The following SLC16A7 variants were observed in gnomAD, a reference collection of about 807,000 sequenced individuals.
The protein encoded by SLC16A7 is solute carrier family 16 member 7.
In SLC16A7, 33 loss-of-function variants were observed where a neutral mutation model predicts 34.9. The ratio of observed to expected loss-of-function variants is 0.94; its 90% confidence interval spans 0.72 to 1.26. The LOEUF (loss-of-function observed/expected upper bound fraction) is 1.26. SLC16A7 is among the 50% of genes most tolerant of loss of function. The pLI is 0.00. For synonymous variants in SLC16A7, 201 were observed against 206.6 expected (o/e 0.97, Z 0.23); for missense variants, 573 against 578.1 (o/e 0.99, Z 0.09).
intron 1 of SLC16A7, among the ~76,000 whole-genome samples, chr12:59,635,375 C>T (rs1276522136): frequency 6.6e-6 from 1 of 152,012 alleles, no homozygotes; most frequent in East Asian, 1.9e-4. Context: ...GGAAATCTGG[C>T]TGAAACAAAT....
chr12:59,769,106 A>C (rs1565711688), intron 3 of SLC16A7: 1 of 152,144 alleles, frequency 6.6e-6, no homozygotes, highest in Admixed American at 6.6e-5. Flanking sequence ...CAGCAAAAAG[A>C]CTGAAAATCA....
chr12:59,769,054 T>G (rs887679419), intron 3 of SLC16A7: 1 of 152,098 alleles, frequency 6.6e-6, no homozygotes, highest in Non-Finnish European at 1.5e-5. Context: ...CTGCCAACCC[T>G]GATCAGTCAG....
intron 3 of SLC16A7, among the ~76,000 whole-genome samples, chr12:59,722,046 A>C (rs1483231806): frequency 1.3e-5 from 2 of 151,810 alleles, no homozygotes; most frequent in Admixed American, 6.6e-5. Context: ...GATGCCTCCT[A>C]AATTTATATC....
chr12:59,758,375 T>G (rs758834432), intron 3 of SLC16A7, among the ~76,000 whole-genome samples: 1 of 152,114 alleles, frequency 6.6e-6, no homozygotes, highest in Non-Finnish European at 1.5e-5. Flanking sequence ...TGCTACTTCC[T>G]CTACAAAGGA....
chr12:59,769,894 C>G (rs1022021165), intron 3 of SLC16A7, among the ~76,000 whole-genome samples: 2 of 151,638 alleles, frequency 1.3e-5, no homozygotes, highest in African/African-American at 4.8e-5. Context: ...AAATAGTGTC[C>G]CTAGTTTCAG....
In SLC16A7 at chr12:59,775,030, A is replaced by T; in HGVS notation, c.735A>T (p.Arg245Ser). Residue 245 changes from arginine (R) to serine (S), a missense_variant, in exon 5 of 6, where the codon AGA becomes AGT. Arg to Ser is a moderately radical substitution (Grantham distance 110). Coordinates refer to ENST00000547379, the MANE Select transcript of SLC16A7 (RefSeq NM_001270623.2). The stretch of plus-strand genomic sequence containing the variant: ...TAGATTTCTCCCTTTTTAAGCATAG[A>T]GGATTTCTGATATATCTGTCTGGAA... ...KYLDFSLFKH[R>S]GFLIYLSGNV... The T allele has an allele frequency of 6.2e-7, 1 of 1,614,044 alleles. No homozygotes were observed. Among genetic ancestry groups the T allele is most frequent in the Non-Finnish European group, 8.5e-7 (1 of 1,179,960 alleles).
chr12:59,703,925 G>T (rs1224866681), intron 2 of SLC16A7, among the ~76,000 whole-genome samples: 1 of 151,874 alleles, frequency 6.6e-6, no homozygotes, highest in Non-Finnish European at 1.5e-5. Context: ...GTGGGGGCTG[G>T]ATGCGGTGGC....
intron 1 of SLC16A7, among the ~76,000 whole-genome samples, chr12:59,637,055 A>G (rs1309094820): frequency 6.6e-6 from 1 of 152,102 alleles, no homozygotes; most frequent in East Asian, 1.9e-4. Context: ...AGAAACTGTC[A>G]CCATGTCACA....
chr12:59,767,842 G>T (rs1258939566), intron 3 of SLC16A7, among the ~76,000 whole-genome samples: 2 of 149,608 alleles, frequency 1.3e-5, no homozygotes, highest in Non-Finnish European at 2.9e-5. Context: ...CTATCGCAAG[G>T]ACAAAAAACC....
chr12:59,738,833 T>C (rs2706304), intron 3 of SLC16A7, among the ~76,000 whole-genome samples: 6,798 of 129,908 alleles, frequency 0.052, 485 homozygotes, highest in African/African-American at 0.17. Flanking sequence ...CTCAAAGATT[T>C]TTTTTTTTTT....
chr12:59,721,819 C>T (rs986712849), intron 3 of SLC16A7, among the ~76,000 whole-genome samples: 1 of 151,950 alleles, frequency 6.6e-6, no homozygotes, highest in African/African-American at 2.4e-5. Context: ...CCTCGGTCTT[C>T]CATACAACAC....
At chr12:59,735,917 A>G (rs1877536309) in intron 3 of SLC16A7, 8 of 1,242,898 alleles carry the variant, frequency 6.4e-6, no homozygotes, top group Non-Finnish European at 8.3e-6. Context: ...TAAATTCTCT[A>G]TGACTTTGAT....
chr12:59,635,881 C>G (rs1247010298), intron 1 of SLC16A7, among the ~76,000 whole-genome samples: 1 of 151,544 alleles, frequency 6.6e-6, no homozygotes, highest in Non-Finnish European at 1.5e-5. Context: ...TAATGACATG[C>G]TAGAAATCAG....
intron 2 of SLC16A7, among the ~76,000 whole-genome samples, chr12:59,683,326 G>A (rs1323446489): frequency 6.6e-6 from 1 of 152,184 alleles, no homozygotes; most frequent in Non-Finnish European, 1.5e-5. Context: ...CCCAATCTGA[G>A]AAGTACTGTT....
At chr12:59,614,824 T>TAAA (rs71448588) in intron 1 of SLC16A7, among the ~76,000 whole-genome samples, 440 of 35,752 alleles carry the variant, frequency 0.012, 46 homozygotes, top group Admixed American at 0.045. Flanking sequence ...CCATTCCTAC[T>TAAA]AAAAAAAAAA....
rs932039508 is a variant in SLC16A7, at chr12:59,775,031, G to T, written c.736G>T (p.Gly246Ter). 7.4e-6 allele frequency: 12 copies of T among 1,613,888 alleles called. No homozygotes were observed. The highest frequency in any genetic ancestry group is 1.3e-5 in the African/African-American group (1 of 74,902). Reference protein sequence around the residue: ...YLDFSLFKHRGFLIYLSGNVI... With the variant: ...YLDFSLFKHR Reference sequence around the variant, plus strand: ...AGATTTCTCCCTTTTTAAGCATAGAGGATTTCTGATATATCTGTCTGGAAA... The same window carrying T: ...AGATTTCTCCCTTTTTAAGCATAGATGATTTCTGATATATCTGTCTGGAAA... The change falls in exon 5 of 6, where the codon GGA becomes TGA. Residue 246 changes from glycine (G) to a stop codon, truncating the protein, a stop_gained. Coordinates refer to ENST00000547379, the MANE Select transcript of SLC16A7 (RefSeq NM_001270623.2). LOFTEE classifies it high-confidence loss of function.
At chr12:59,681,566 A>G (rs1283501436) in intron 2 of SLC16A7, among the ~76,000 whole-genome samples, 1 of 152,166 alleles carries the variant, frequency 6.6e-6, no homozygotes, top group Non-Finnish European at 1.5e-5. Context: ...ATTTCCTGTA[A>G]TAATATTCCT....
Position 59,774,192 on chromosome 12 carries a change from G to T in SLC16A7, c.362-465G>T, listed in dbSNP as rs1467895258. ...GAGACATAAGATTGTTACAAATTAC[G>T]ACCTTTTTAGTCTGTTTATAATTCT... is the stretch of plus-strand genomic sequence containing the variant. On this transcript the variant is annotated intron_variant, in intron 4 of 5. Coordinates refer to ENST00000547379, the MANE Select transcript of SLC16A7 (RefSeq NM_001270623.2). Among the ~76,000 whole-genome samples the T allele has an allele frequency of 2.0e-5, 3 of 152,096 alleles. No individual in the cohort carries two copies. In the East Asian group the frequency reaches 5.8e-4, roughly 29 times the overall value.
intron 1 of SLC16A7, among the ~76,000 whole-genome samples, chr12:59,605,208 A>G (rs1014782637): frequency 2.0e-5 from 3 of 152,216 alleles, no homozygotes; most frequent in African/African-American, 7.2e-5. Context: ...ACATAAAGTC[A>G]ACAGGAATGA....
Sources: allele counts gnomAD v4.1 joint callset (sites outside exome capture counted in the v4.1 genomes callset), GRCh38; gene constraint gnomAD v4.1.1; transcripts MANE v1.5; gene names NCBI Gene and HGNC (gene_info 2026-07-23, HGNC 2026-07-21).